The following UNC5D variants were observed in gnomAD, a reference collection of about 807,000 sequenced individuals.
UNC5D encodes netrin receptor UNC5D.
UNC5D carries 39 observed loss-of-function variants against 105.4 expected under a neutral mutation model. The ratio of observed to expected loss-of-function variants is 0.37; its 90% confidence interval spans 0.29 to 0.48. The LOEUF (loss-of-function observed/expected upper bound fraction) is 0.48, where lower values mean the gene tolerates loss of function less well. Among genes scored for constraint, UNC5D ranks in the 20% least tolerant of loss-of-function variants. UNC5D has a pLI of 0.98. For missense variants in UNC5D, 991 were observed against 1,202.4 expected, an observed-to-expected ratio of 0.82 and a Z score of 2.60; for synonymous variants, 452 against 450.4, an observed-to-expected ratio of 1.00 and a Z score of -0.04.
intron 1 of UNC5D, among the ~76,000 whole-genome samples, chr8:35,421,974 C>T (rs941776265): frequency 2.6e-5 from 4 of 152,178 alleles, no homozygotes; most frequent in African/African-American, 9.7e-5. Flanking sequence ...GAATAATATA[C>T]CTTCTACTTT....
In UNC5D at chr8:35,286,722, A is replaced by G. The variant is rs1364755399; in HGVS notation, c.103+50835A>G. On this transcript the variant is annotated intron_variant, in intron 1 of 16. Coordinates refer to ENST00000404895, the MANE Select transcript of UNC5D (RefSeq NM_080872.4). ...GGAAAGAGCATCTGGCCACCACCAA[A>G]CCTTGGCGTTCTACTCTACCCTAGA... 2.0e-5 allele frequency among the ~76,000 whole-genome samples: 3 copies of G among 151,986 alleles called. 1 individual carries two copies.
intron 4 of UNC5D, among the ~76,000 whole-genome samples, chr8:35,630,185 C>T (rs916939661): frequency 6.6e-6 from 1 of 152,098 alleles, no homozygotes; most frequent in Non-Finnish European, 1.5e-5. Context: ...AACTTTACTT[C>T]TTGTAAGAAA....
chr8:35,595,940 C>A (rs1297542492), intron 4 of UNC5D, among the ~76,000 whole-genome samples: 1 of 152,146 alleles, frequency 6.6e-6, no homozygotes, highest in Non-Finnish European at 1.5e-5. Flanking sequence ...ATGCAGGTGT[C>A]ATTCTTTCTG....
chr8:35,783,911 A>T (rs2131786080), intron 16 of UNC5D, among the ~76,000 whole-genome samples: 1 of 152,304 alleles, frequency 6.6e-6, no homozygotes, highest in Middle Eastern at 3.4e-3. Flanking sequence ...TATTTCCAAA[A>T]ATCCTCAAAT....
intron 1 of UNC5D, among the ~76,000 whole-genome samples, chr8:35,317,923 G>A (rs1046906044): frequency 6.6e-6 from 1 of 152,070 alleles, no homozygotes; most frequent in Non-Finnish European, 1.5e-5. Context: ...TATGAGGACA[G>A]GCACTGCCAA....
intron 1 of UNC5D, among the ~76,000 whole-genome samples, chr8:35,326,410 G>A (rs1014768487): frequency 3.9e-5 from 6 of 152,206 alleles, no homozygotes; most frequent in Non-Finnish European, 8.8e-5. Flanking sequence ...CCAGCTGGCA[G>A]TAAAGAAGCC....
At chr8:35,704,518 A>G (rs961440238) in intron 7 of UNC5D, among the ~76,000 whole-genome samples, 1 of 152,334 alleles carries the variant, frequency 6.6e-6, no homozygotes, top group Non-Finnish European at 1.5e-5. Flanking sequence ...TTCACCTCAC[A>G]TGGCTCACCT....
chr8:35,670,249 G>A (rs1824691691), intron 4 of UNC5D, among the ~76,000 whole-genome samples: 1 of 152,282 alleles, frequency 6.6e-6, no homozygotes, highest in Middle Eastern at 3.4e-3. Context: ...ACCTTAGCAA[G>A]AGCCACTTCG....
intron 8 of UNC5D, among the ~76,000 whole-genome samples, chr8:35,707,208 A>G (rs1003539282): frequency 3.4e-4 from 52 of 152,362 alleles, no homozygotes; most frequent in African/African-American, 1.2e-3. Context: ...GTCACAAGAC[A>G]TGAGGGAAAA....
intron 4 of UNC5D, among the ~76,000 whole-genome samples, chr8:35,669,900 T>C (rs1824667116): frequency 6.6e-6 from 1 of 152,146 alleles, no homozygotes; most frequent in Non-Finnish European, 1.5e-5. Context: ...AGTAAGTCTC[T>C]GAGTACCAGA....
intron 3 of UNC5D, among the ~76,000 whole-genome samples, chr8:35,576,009 A>G (rs778045680): frequency 2.6e-5 from 4 of 152,182 alleles, no homozygotes; most frequent in Non-Finnish European, 5.9e-5. Flanking sequence ...TCCTGGGCAC[A>G]TAGGTACTGT....
intron 1 of UNC5D, among the ~76,000 whole-genome samples, chr8:35,541,381 T>TA (rs1815263726): frequency 6.6e-6 from 1 of 152,228 alleles, no homozygotes; most frequent in Admixed American, 6.5e-5. Flanking sequence ...AATGGTTTAA[T>TA]AAAATCTCAA....
intron 1 of UNC5D, among the ~76,000 whole-genome samples, chr8:35,377,160 C>A (rs79540910): frequency 6.6e-6 from 1 of 152,126 alleles, no homozygotes; most frequent in East Asian, 1.9e-4. Context: ...ATACTCTTTG[C>A]GTGCTATATG....
chr8:35,416,876 C>T lies in UNC5D; in HGVS notation c.104-132416C>T, dbSNP rs75436910. ...AAACTCAGTTGTCATTGAGATGATA[C>T]TTGGCTATTTGAGGGTTCTTTATTT... On this transcript the variant is annotated intron_variant, in intron 1 of 16. Coordinates refer to ENST00000404895, the MANE Select transcript of UNC5D (RefSeq NM_080872.4). Among the ~76,000 whole-genome samples the T allele has an allele frequency of 6.2e-4, 94 of 152,244 alleles. 3 individuals are homozygous for T. In the East Asian group the frequency reaches 0.013, roughly 22 times the overall value.
intron 15 of UNC5D, among the ~76,000 whole-genome samples, chr8:35,773,083 C>CA (rs1802082530): frequency 6.6e-6 from 1 of 152,124 alleles, no homozygotes; most frequent in African/African-American, 2.4e-5. Context: ...TTAATTGAGT[C>CA]AGTCAATTGA....
At chr8:35,686,773 G>T in intron 7 of UNC5D, 64 bp downstream of exon 7, 1 of 1,498,138 alleles carries the variant, frequency 6.7e-7, no homozygotes, top group Non-Finnish European at 8.9e-7. Flanking sequence ...TCTCAAGAAA[G>T]TAAGCTACAG....
chr8:35,735,550 G>GTAGA (rs1161356742), intron 11 of UNC5D, among the ~76,000 whole-genome samples: 2 of 152,208 alleles, frequency 1.3e-5, no homozygotes, highest in African/African-American at 4.8e-5. Flanking sequence ...GATTGAGAAG[G>GTAGA]TAGAGGTGGT....
At chr8:35,728,108 A>ATATATATT in intron 10 of UNC5D, among the ~76,000 whole-genome samples, 1 of 143,100 alleles carries the variant, frequency 7.0e-6, no homozygotes, top group African/African-American at 2.7e-5. Context: ...ATATATATAT[A>ATATATATT]TATGCCATAA....
intron 4 of UNC5D, among the ~76,000 whole-genome samples, chr8:35,675,080 C>G (rs1301692274): frequency 6.6e-6 from 1 of 151,996 alleles, no homozygotes; most frequent in Non-Finnish European, 1.5e-5. Context: ...ATATAATTCA[C>G]AAATCTTAAG....
Sources: gnomAD v4.1 joint callset for allele counts (sites outside exome capture counted in the v4.1 genomes callset) on GRCh38, gnomAD v4.1.1 for gene constraint, MANE v1.5 for transcripts, NCBI Gene and HGNC (gene_info 2026-07-23, HGNC 2026-07-21) for gene names.